The following ZPBP variants were observed in gnomAD, a reference collection of about 807,000 sequenced individuals.
ZPBP encodes zona pellucida binding protein, also known as zona pellucida-binding protein 1.
A neutral mutation model predicts 44.8 loss-of-function variants in ZPBP; 26 were observed. The ratio of observed to expected loss-of-function variants is 0.58; its 90% CI spans 0.43 to 0.81. ZPBP has a LOEUF of 0.81. Ranked by LOEUF, ZPBP falls within the 30% of genes least tolerant of loss-of-function variation. The probability of loss-of-function intolerance (pLI) is 0.00; values close to 1 mark genes in which losing one functional copy is unlikely to be tolerated. For missense variants in ZPBP, 409 were observed against 434.0 expected (o/e 0.94, Z 0.51); for synonymous variants, 174 against 153.2 (o/e 1.14, Z -1.00).
At chr7:49,841,139 T>A in the ZPBP span, among the ~76,000 whole-genome samples, 1 of 152,218 alleles carries the variant, frequency 6.6e-6, no homozygotes, top group Admixed American at 6.5e-5. Context: ...CTGTCTGTTC[T>A]GGCCCAGGAG....
chr7:49,858,010 AC>A (rs1225306414), intron 2 of ZPBP, among the ~76,000 whole-genome samples: 1 of 152,086 alleles, frequency 6.6e-6, no homozygotes, highest in African/African-American at 2.4e-5. Context: ...TTCCCCTGTA[AC>A]CTCGTGTCAA....
At chr7:50,010,874 T>C (rs1798535644) in intron 6 of ZPBP, among the ~76,000 whole-genome samples, 1 of 90,222 alleles carries the variant, frequency 1.1e-5, no homozygotes, top group Non-Finnish European at 2.1e-5. Flanking sequence ...ATGGAACCAA[T>C]ATAAAGGCCC....
chr7:49,901,443 C>T (rs970028556), intron 1 of ZPBP, among the ~76,000 whole-genome samples: 1 of 151,634 alleles, frequency 6.6e-6, no homozygotes, highest in African/African-American at 2.4e-5. Context: ...AAATTAAATA[C>T]ATAATACATT....
At chr7:49,931,574 C>A (rs951199771) in intron 1 of ZPBP, among the ~76,000 whole-genome samples, 24 of 152,124 alleles carry the variant, frequency 1.6e-4, no homozygotes, top group Non-Finnish European at 3.4e-4. Context: ...AGTGGAAGAA[C>A]CTTCTAAGCA....
intron 7 of ZPBP, among the ~76,000 whole-genome samples, chr7:49,973,611 A>G (rs1327344541): frequency 6.6e-6 from 1 of 152,146 alleles, no homozygotes; most frequent in East Asian, 1.9e-4. Flanking sequence ...ATTAGTCATT[A>G]GAGAAATGCA....
Position 49,918,512 on chromosome 7 carries a change from C to G in ZPBP, n.411+17239G>C, listed in dbSNP as rs138479799. The G allele has an allele frequency of 2.0e-5, 3 of 152,202 alleles. No homozygotes were observed. In the East Asian group the frequency reaches 5.8e-4, roughly 29 times the overall value. 9.4% of individuals were successfully genotyped at this position (152,202 alleles called of 1,614,324 possible). The stretch of plus-strand genomic sequence containing the variant: ...AAATGCTTATGCTATATTTTGTTTC[C>G]TAAATCTAGAGATCTCTTTTTAAAA... On this transcript the variant is annotated intron_variant and non_coding_transcript_variant, in intron 1 of 2. Transcript: ENST00000465922.
chr7:49,900,000 A>ATT (rs1792626591), intron 2 of ZPBP, among the ~76,000 whole-genome samples: 1 of 152,032 alleles, frequency 6.6e-6, no homozygotes, highest in African/African-American at 2.4e-5. Context: ...ATTAAATTAG[A>ATT]TATCAGTAAT....
chr7:50,028,156 A>G (rs980586377), intron 5 of ZPBP, among the ~76,000 whole-genome samples: 1 of 151,968 alleles, frequency 6.6e-6, no homozygotes, highest in Non-Finnish European at 1.5e-5. Context: ...AAAATAGCAA[A>G]CCAATTCCAG....
chr7:49,987,728 T>G (rs1052666032), intron 6 of ZPBP, among the ~76,000 whole-genome samples: 2 of 145,544 alleles, frequency 1.4e-5, no homozygotes, highest in Non-Finnish European at 3.0e-5. Flanking sequence ...TATATATGTG[T>G]TGTGTGTGTG....
At chr7:49,886,643 T>C (rs965508623) in intron 2 of ZPBP, among the ~76,000 whole-genome samples, 2 of 152,178 alleles carry the variant, frequency 1.3e-5, no homozygotes, top group South Asian at 4.1e-4. Flanking sequence ...CATGGGCAGG[T>C]TTGTTATATA....
At chr7:49,997,230 T>C (rs1026104506) in intron 6 of ZPBP, among the ~76,000 whole-genome samples, 14 of 152,214 alleles carry the variant, frequency 9.2e-5, no homozygotes, top group African/African-American at 3.4e-4. Flanking sequence ...CATTTCTAAT[T>C]CACTTACAGT....
chr7:49,912,058 C>T (rs780603854), intron 1 of ZPBP: 16 of 1,613,662 alleles, frequency 9.9e-6, no homozygotes, highest in African/African-American at 2.7e-5. Flanking sequence ...GCAGAAACCG[C>T]GGTGATCCCT....
chr7:49,936,308 T>A (rs1042336091), downstream of ZPBP: 10 of 152,238 alleles, frequency 6.6e-5, no homozygotes, highest in Non-Finnish European at 1.3e-4. Context: ...GGAATTTTTT[T>A]AGAAAACATT....
intron 6 of ZPBP, among the ~76,000 whole-genome samples, chr7:49,998,601 C>T (rs1445396905): frequency 1.3e-5 from 2 of 152,096 alleles, no homozygotes; most frequent in Admixed American, 6.6e-5. Context: ...TAAATACTTC[C>T]TGCTACAGAC....
In ZPBP at chr7:50,006,434, C is replaced by T. The variant is rs1204224273; in HGVS notation, c.783+11806G>A. On this transcript the variant is annotated intron_variant, in intron 6 of 7. Transcript: ENST00000046087. ...CAAAGAATCTTTTCCAATCAATTTT[C>T]CGTTTCTAATTTAATATGATTAAAT... Among the ~76,000 whole-genome samples, 4 of 152,018 alleles carry T rather than the reference C, an allele frequency of 2.6e-5. 1 individual carries two copies. Among genetic ancestry groups the T allele is most frequent in the Non-Finnish European group, 5.9e-5 (4 of 68,000 alleles).
intron 7 of ZPBP, among the ~76,000 whole-genome samples, chr7:49,969,789 TTA>T (rs1316062171): frequency 1.4e-5 from 2 of 147,720 alleles, no homozygotes; most frequent in Non-Finnish European, 3.0e-5. Context: ...GTAAAAAAGT[TTA>T]TGTTAATAAA....
chr7:50,009,008 TG>T (rs1798440329), intron 6 of ZPBP, among the ~76,000 whole-genome samples: 1 of 151,974 alleles, frequency 6.6e-6, no homozygotes, highest in African/African-American at 2.4e-5. Context: ...CCAAGCTGTG[TG>T]GATCACCTGA....
intron 4 of ZPBP, among the ~76,000 whole-genome samples, chr7:50,037,105 CAT>C (rs899562296): frequency 4.6e-5 from 7 of 152,024 alleles, no homozygotes; most frequent in Non-Finnish European, 1.0e-4. Flanking sequence ...AATTTTTACT[CAT>C]AATATGAATA....
intron 7 of ZPBP, among the ~76,000 whole-genome samples, chr7:49,967,501 A>C (rs533288514): frequency 1.3e-5 from 2 of 152,220 alleles, no homozygotes; most frequent in Admixed American, 6.5e-5. Flanking sequence ...GTAAGCTTTT[A>C]GAGTTAATGC....
Sources: gnomAD v4.1 joint callset for allele counts (sites outside exome capture counted in the v4.1 genomes callset) on GRCh38, gnomAD v4.1.1 for gene constraint, MANE v1.5 for transcripts, NCBI Gene and HGNC (gene_info 2026-07-23, HGNC 2026-07-21) for gene names.